Variants in ATF7 observed in about 807,000 individuals in gnomAD.
ATF7 encodes the protein cyclic AMP-dependent transcription factor ATF-7.
A neutral mutation model predicts 50.4 loss-of-function variants in ATF7; 10 were observed. The ratio of observed to expected loss-of-function variants is 0.20; its 90% CI spans 0.12 to 0.34. ATF7 has a LOEUF of 0.34. Among genes scored for constraint, ATF7 ranks in the 10% least tolerant of loss-of-function variants. The probability of loss-of-function intolerance (pLI) is 1.00; values close to 1 mark genes in which losing one functional copy is unlikely to be tolerated. For synonymous variants in ATF7, 201 were observed against 226.4 expected (o/e 0.89, Z 1.01); for missense variants, 465 against 613.9 (o/e 0.76, Z 2.56).
rs145406267 is a variant in ATF7, at chr12:53,613,196, T to C, written c.-21-12175A>G. On this transcript the variant is annotated intron_variant, in intron 1 of 11. Transcript: ENST00000420353. ...TTTGCTGTAGTATCAAAGAAGACTATATACAATTACCTGAAAATAATCCTT... is the reference window on the plus strand; with the variant it reads ...TTTGCTGTAGTATCAAAGAAGACTACATACAATTACCTGAAAATAATCCTT... Among the ~76,000 whole-genome samples, 24 of 152,354 alleles carry C rather than the reference T, an allele frequency of 1.6e-4. No individual in the cohort carries two copies. The East Asian group carries it at 3.3e-3, about 21-fold the overall frequency.
intron 9 of ATF7, among the ~76,000 whole-genome samples, chr12:53,528,017 A>G (rs900075164): frequency 1.8e-4 from 27 of 151,576 alleles, no homozygotes; most frequent in Admixed American, 9.9e-4. Context: ...AATTTTTTAT[A>G]TTTTTAGTAG....
intron 2 of ATF7, among the ~76,000 whole-genome samples, chr12:53,585,867 A>G (rs929948886): frequency 2.6e-5 from 4 of 152,088 alleles, no homozygotes; most frequent in African/African-American, 9.6e-5. Context: ...AAGCCACTCC[A>G]CTCTGACAAG....
At chr12:53,606,122 A>C (rs573269105) in intron 1 of ATF7, among the ~76,000 whole-genome samples, 2 of 152,278 alleles carry the variant, frequency 1.3e-5, no homozygotes, top group East Asian at 3.9e-4. Flanking sequence ...AAATGGAAAG[A>C]AGGGAGTAGT....
At chr12:53,594,651 G>T (rs1462648801) in intron 2 of ATF7, among the ~76,000 whole-genome samples, 1 of 152,158 alleles carries the variant, frequency 6.6e-6, no homozygotes, top group African/African-American at 2.4e-5. Flanking sequence ...ACTTTGGGAG[G>T]CTGAGGCAGG....
chr12:53,608,036 G>A (rs781270500), intron 1 of ATF7, among the ~76,000 whole-genome samples: 1 of 151,890 alleles, frequency 6.6e-6, no homozygotes, highest in Non-Finnish European at 1.5e-5. Flanking sequence ...TGGCCAACAC[G>A]GTGAAACTCC....
At chr12:53,551,066 A>C (rs1228510427) in intron 3 of ATF7, among the ~76,000 whole-genome samples, 2 of 152,218 alleles carry the variant, frequency 1.3e-5, no homozygotes, top group Non-Finnish European at 2.9e-5. Context: ...ACTTGTCTGC[A>C]AATACTACAA....
At chr12:53,517,648 C>T in intron 11 of ATF7, 2 of 410,846 alleles carry the variant, frequency 4.9e-6, no homozygotes. Flanking sequence ...TAGTTCATTA[C>T]CAACTCTTAT....
intron 3 of ATF7, among the ~76,000 whole-genome samples, chr12:53,546,460 T>C (rs552556660): frequency 1.4e-3 from 140 of 103,352 alleles, no homozygotes; most frequent in African/African-American, 5.4e-3. Context: ...TTCTTTCTTT[T>C]TTTTTTTTGA....
At chr12:53,550,336 AAAT>A (rs1565944435) in intron 3 of ATF7, among the ~76,000 whole-genome samples, 3,096 of 88,074 alleles carry the variant, frequency 0.035, 54 homozygotes, top group East Asian at 0.16. Context: ...AAAAAAAAAT[AAAT>A]AAATAAATAA....
intron 2 of ATF7, among the ~76,000 whole-genome samples, chr12:53,594,972 C>T (rs1342835490): frequency 6.6e-6 from 1 of 151,784 alleles, no homozygotes; most frequent in Non-Finnish European, 1.5e-5. Flanking sequence ...CCACAGGTTA[C>T]TGCAGCATCC....
intron 1 of ATF7, among the ~76,000 whole-genome samples, chr12:53,614,020 A>G (rs544584511): frequency 4.6e-5 from 7 of 152,226 alleles, no homozygotes; most frequent in Non-Finnish European, 1.0e-4. Context: ...TAGACCAAAT[A>G]GTTTTGCAGC....
chr12:53,602,939 T>C (rs1592969411), intron 1 of ATF7, among the ~76,000 whole-genome samples: 1 of 152,198 alleles, frequency 6.6e-6, no homozygotes, highest in East Asian at 1.9e-4. Context: ...AAGCAATTCA[T>C]CTCTGCAAAA....
chr12:53,587,843 A>ATATATATATATATATATATATATATAT, intron 2 of ATF7, among the ~76,000 whole-genome samples: 9 of 61,556 alleles, frequency 1.5e-4, no homozygotes, highest in Non-Finnish European at 2.4e-4. Flanking sequence ...ATATATATAT[A>ATATATATATATATATATATATATATAT]TTTTTTTTTT....
chr12:53,519,382 C>A (rs1473895275), intron 11 of ATF7, among the ~76,000 whole-genome samples: 4 of 152,106 alleles, frequency 2.6e-5, no homozygotes, highest in Non-Finnish European at 5.9e-5. Flanking sequence ...TACCACACAG[C>A]AGGAACTAAA....
intron 2 of ATF7, among the ~76,000 whole-genome samples, chr12:53,593,763 G>T (rs1019597298): frequency 6.6e-5 from 10 of 152,130 alleles, no homozygotes; most frequent in African/African-American, 2.4e-4. Context: ...CCAGTAAAAC[G>T]CCAGAAGACT....
At chr12:53,588,859 C>CA (rs1942830437) in intron 2 of ATF7, among the ~76,000 whole-genome samples, 1 of 152,016 alleles carries the variant, frequency 6.6e-6, no homozygotes, top group African/African-American at 2.4e-5. Flanking sequence ...CATTACCAGG[C>CA]AGATAAAAAA....
rs79959324 is a variant in ATF7 at position 53,597,184 on chromosome 12, G to C, written c.48+3769C>G. 3.7e-3 allele frequency among the ~76,000 whole-genome samples: 570 copies of C among 152,134 alleles called. 3 individuals are homozygous for C. The highest frequency in any genetic ancestry group is 0.013 in the African/African-American group (527 of 41,504). On this transcript the variant is annotated intron_variant, in intron 2 of 11. Transcript: ENST00000420353. ...AATGCAGACAGCACAACCTTCAGCA[G>C]CGTTTTTTTTTTAAGCACATGCAGC...
At chr12:53,585,434 G>T (rs1225602896) in intron 2 of ATF7, among the ~76,000 whole-genome samples, 1 of 152,106 alleles carries the variant, frequency 6.6e-6, no homozygotes, top group East Asian at 1.9e-4. Flanking sequence ...GCTAGTGTGT[G>T]TGAGGACAGG....
At chr12:53,620,575 C>CA (rs34516346) in intron 1 of ATF7, among the ~76,000 whole-genome samples, 15,087 of 75,584 alleles carry the variant, frequency 0.2, 1,537 homozygotes, top group East Asian at 0.3. Context: ...GACTCCGTCT[C>CA]AAAAAAAAAA....
Sources: gnomAD v4.1 joint callset for allele counts (sites outside exome capture counted in the v4.1 genomes callset) on GRCh38, gnomAD v4.1.1 for gene constraint, MANE v1.5 for transcripts, NCBI Gene and HGNC (gene_info 2026-07-23, HGNC 2026-07-21) for gene names.